PLA2G4E: variants seen among roughly 807,000 people sequenced by gnomAD.
PLA2G4E encodes phospholipase A2 group IVE, also known as cytosolic phospholipase A2 epsilon.
Under a neutral mutation model 109.1 loss-of-function variants are expected in PLA2G4E, and 84 were observed. That is an observed-to-expected ratio of 0.77 (90% confidence interval 0.65 to 0.92). The LOEUF (loss-of-function observed/expected upper bound fraction) is 0.92, where lower values mean the gene tolerates loss of function less well. Ranked by LOEUF, PLA2G4E falls within the 40% of genes least tolerant of loss-of-function variation. The probability of loss-of-function intolerance (pLI) is 0.00; values close to 1 mark genes in which losing one functional copy is unlikely to be tolerated. For missense variants in PLA2G4E, 1,057 were observed against 1,076.6 expected (o/e 0.98, Z 0.25); for synonymous variants, 469 against 436.1 (o/e 1.08, Z -0.94).
chr15:42,040,639 C>T (rs1222950820), intron 1 of PLA2G4E, among the ~76,000 whole-genome samples: 3 of 152,112 alleles, frequency 2.0e-5, no homozygotes, highest in Non-Finnish European at 4.4e-5. Flanking sequence ...TTAATTTTCC[C>T]AATAAACTAA....
At chr15:41,986,898 C>G (rs900940090) in intron 17 of PLA2G4E, 3 of 471,716 alleles carry the variant, frequency 6.4e-6, no homozygotes, top group African/African-American at 5.9e-5. Flanking sequence ...TAACATGGGG[C>G]CAACTTCTAC....
chr15:42,026,931 C>A (rs1196588667), intron 1 of PLA2G4E, among the ~76,000 whole-genome samples: 2 of 151,382 alleles, frequency 1.3e-5, no homozygotes, highest in Non-Finnish European at 2.9e-5. Flanking sequence ...TGAGATCACA[C>A]CACTGCCCTC....
At chr15:42,050,639 G>A in exon 1 of PLA2G4E, 1 of 1,550,594 alleles carries the variant, frequency 6.4e-7, no homozygotes, top group Non-Finnish European at 8.7e-7. Flanking sequence ...ATCCGTTTGT[G>A]GGCTCTGTGG....
At position 42,006,090 on chromosome 15, in the gene PLA2G4E, T is replaced by C. The variant is rs2068473797; in HGVS notation, c.425A>G (p.Asp142Gly). Residue 142 changes from aspartate (D) to glycine (G), a missense_variant, in exon 4 of 20, where the codon GAC (aspartate) becomes GGC (glycine). By Grantham distance (94) the Asp-to-Gly change is moderately conservative. Coordinates refer to ENST00000399518, the Ensembl canonical transcript of PLA2G4E. ...GAGATGGTCATCTGGTGTCACTGTG[T>C]CTTCATCACAGACACTCAACTCTAG... 5 of 1,613,936 alleles carry C rather than the reference T, an allele frequency of 3.1e-6. No individual in the cohort carries two copies. The East Asian group carries it at 1.1e-4, about 36-fold the overall frequency.
chr15:41,997,331 C>T, intron 10 of PLA2G4E, 72 bp from the exon 11 acceptor site: 1 of 1,394,810 alleles, frequency 7.2e-7, no homozygotes, highest in Non-Finnish European at 9.4e-7. Flanking sequence ...CTTCAGGGTC[C>T]ATTGGACCTA....
chr15:42,029,811 C>A (rs1889081791), intron 1 of PLA2G4E, among the ~76,000 whole-genome samples: 1 of 152,154 alleles, frequency 6.6e-6, no homozygotes, highest in South Asian at 2.1e-4. Flanking sequence ...ATGACGGGCA[C>A]GTGGCTGATT....
rs150437050 is a variant in PLA2G4E at position 42,034,636 on chromosome 15, G to T, written c.183+15885C>A. ...CAGGAACAATTAAATCTCCTCCTCT[G>T]CCCCCTCCTCTTCTACGTCCTCTTT... On this transcript the variant is annotated intron_variant, in intron 1 of 19. Transcript: ENST00000399518. Among the ~76,000 whole-genome samples the T allele has an allele frequency of 3.7e-4, 57 of 152,240 alleles. 1 individual carries two copies. Among genetic ancestry groups the T allele is most frequent in the African/African-American group, 1.3e-3 (53 of 41,522 alleles).
At chr15:41,988,650 G>T (rs770525062) in intron 15 of PLA2G4E, among the ~76,000 whole-genome samples, 1 of 152,232 alleles carries the variant, frequency 6.6e-6, no homozygotes. Context: ...GCTTCGACAG[G>T]TGAGGCAATC....
rs916500670 is a variant in PLA2G4E, at chr15:41,990,967, A to T, written c.1471-732T>A. Among the ~76,000 whole-genome samples, 5 of 151,502 alleles carry T rather than the reference A, an allele frequency of 3.3e-5. 1 individual carries two copies. The South Asian group carries it at 1.0e-3, about 32-fold the overall frequency. ...GACTCCTGGGTGACCAACCCTGGTC[A>T]CCCCAGTGTGCAAAGGCTACAGAAC... On this transcript the variant is annotated intron_variant, in intron 13 of 19. Transcript: ENST00000399518.
chr15:41,999,224 A>T (rs899487616), intron 10 of PLA2G4E: 3 of 268,886 alleles, frequency 1.1e-5, no homozygotes, highest in African/African-American at 6.6e-5. Context: ...ATGTGAAAAG[A>T]TACGCCATAG....
chr15:41,986,615 T>C (rs999713706), intron 17 of PLA2G4E, among the ~76,000 whole-genome samples: 2 of 151,842 alleles, frequency 1.3e-5, no homozygotes, highest in African/African-American at 4.8e-5. Flanking sequence ...CCTCCTGGGC[T>C]CAAATGATCC....
intron 5 of PLA2G4E, 24 bp downstream of exon 5, chr15:42,004,914 G>GC (rs56992469): frequency 6.2e-7 from 1 of 1,611,092 alleles, no homozygotes; most frequent in African/African-American, 1.3e-5. Flanking sequence ...ACCTTGGTGG[G>GC]CCCCGGGGCC....
chr15:42,010,829 G>GTT (rs1360801149), intron 2 of PLA2G4E, among the ~76,000 whole-genome samples: 5 of 149,974 alleles, frequency 3.3e-5, no homozygotes, highest in African/African-American at 1.0e-4. Context: ...GGCTCTTTCA[G>GTT]TTATCGAGGA....
chr15:42,042,506 A>C (rs1227629281), intron 1 of PLA2G4E, among the ~76,000 whole-genome samples: 3 of 152,218 alleles, frequency 2.0e-5, no homozygotes, highest in Non-Finnish European at 2.9e-5. Flanking sequence ...TAAAGCAAAA[A>C]ATGCATTTAG....
Position 42,000,295 on chromosome 15 carries a change from A to G in PLA2G4E, c.674-13T>C, listed in dbSNP as rs1595564064. On this transcript the variant is annotated splice_polypyrimidine_tract_variant and intron_variant, in intron 7 of 19. Coordinates refer to ENST00000399518, the Ensembl canonical transcript of PLA2G4E. ...AGGAGGTCCTTCACTGGGAGAGAGG[A>G]CAAGAGGGTGAGACCCTGGGAGCCT... 1 of 1,556,056 alleles carries G rather than the reference A, an allele frequency of 6.4e-7. No individual in the cohort carries two copies. Among genetic ancestry groups the G allele is most frequent in the Non-Finnish European group, 8.7e-7 (1 of 1,149,728 alleles).
At chr15:42,019,709 C>T (rs2068629821) in intron 1 of PLA2G4E, among the ~76,000 whole-genome samples, 1 of 152,204 alleles carries the variant, frequency 6.6e-6, no homozygotes, top group Non-Finnish European at 1.5e-5. Flanking sequence ...ATACATGTCC[C>T]AGCCACTCTG....
In PLA2G4E at chr15:42,000,018, T is replaced by C. The variant is rs2068398233; in HGVS notation, c.853-18A>G. On this transcript the variant is annotated intron_variant, in intron 8 of 19. Transcript: ENST00000399518. ...CAGCAAAGCTGGAGGGATGGGTGGG[T>C]TCTGTGAGAGGGGCTGGGGAGCTCC... 1 of 1,598,862 alleles carries C rather than the reference T, an allele frequency of 6.3e-7. No individual in the cohort carries two copies. Among genetic ancestry groups the C allele is most frequent in the Non-Finnish European group, 8.5e-7 (1 of 1,173,128 alleles).
intron 1 of PLA2G4E, among the ~76,000 whole-genome samples, chr15:42,015,839 C>T (rs2068588389): frequency 6.6e-6 from 1 of 152,358 alleles, no homozygotes; most frequent in Non-Finnish European, 1.5e-5. Context: ...TACTCTGAGC[C>T]GGCACACCCG....
intron 2 of PLA2G4E, among the ~76,000 whole-genome samples, chr15:42,011,336 C>T (rs1315085413): frequency 3.3e-5 from 5 of 152,220 alleles, no homozygotes; most frequent in Admixed American, 3.3e-4. Flanking sequence ...GAAGAAAGGA[C>T]CCTGGACAGT....
Sources: gnomAD v4.1 joint callset for allele counts (sites outside exome capture counted in the v4.1 genomes callset) on GRCh38, gnomAD v4.1.1 for gene constraint, MANE v1.5 for transcripts, NCBI Gene and HGNC (gene_info 2026-07-23, HGNC 2026-07-21) for gene names.